The following ETV6 variants were observed in gnomAD, a reference collection of about 807,000 sequenced individuals.
ETV6 encodes ETS variant transcription factor 6.
In ETV6, 16 loss-of-function variants were observed where a neutral mutation model predicts 51.1. The observed-to-expected ratio is 0.31, with a 90% CI of 0.21 to 0.48. The LOEUF (loss-of-function observed/expected upper bound fraction) is 0.48, where lower values mean the gene tolerates loss of function less well. ETV6 is among the 20% of genes least tolerant of loss of function. The probability of loss-of-function intolerance (pLI) is 0.99; values close to 1 mark genes in which losing one functional copy is unlikely to be tolerated. For synonymous variants in ETV6, 240 were observed against 224.1 expected, an observed-to-expected ratio of 1.07 and a Z score of -0.64; for missense variants, 458 against 594.8, an observed-to-expected ratio of 0.77 and a Z score of 2.39.
chr12:11,735,080 G>A (rs1366985774), intron 1 of ETV6, among the ~76,000 whole-genome samples: 1 of 141,138 alleles, frequency 7.1e-6, no homozygotes, highest in Non-Finnish European at 1.5e-5. Flanking sequence ...AAGGTGGCAA[G>A]GTGGCCTTTT....
chr12:11,839,326 A>C lies in ETV6; in HGVS notation c.328+22A>C, dbSNP rs1391876229. ...TCAGGTGAGAGTCTGGACTCTTGGCATATGCCCAACTTGGAAAGTCTCTTA... is the reference window on the plus strand; with the variant it reads ...TCAGGTGAGAGTCTGGACTCTTGGCCTATGCCCAACTTGGAAAGTCTCTTA... On this transcript the variant is annotated intron_variant, in intron 3 of 7. Coordinates refer to ENST00000396373, the MANE Select transcript of ETV6 (RefSeq NM_001987.5). The C allele has an allele frequency of 6.9e-6, 11 of 1,597,116 alleles. No homozygotes were observed. In the African/African-American group the frequency reaches 1.5e-4, roughly 21 times the overall value.
intron 5 of ETV6, among the ~76,000 whole-genome samples, chr12:11,874,545 CACACATATATGTGTATGTGCGTGTGT>C (rs759875272): frequency 0.72 from 4,788 of 6,634 alleles, 2,026 homozygotes; most frequent in Non-Finnish European, 0.92. Flanking sequence ...TGCGTGTGTA[CACACATATATGTGTATGTGCGTGTGT>C]ACACATATAT....
At chr12:11,729,432 G>A (rs1865553621) in intron 1 of ETV6, among the ~76,000 whole-genome samples, 1 of 152,152 alleles carries the variant, frequency 6.6e-6, no homozygotes, top group Non-Finnish European at 1.5e-5. Flanking sequence ...GGGGGGACTG[G>A]GCTGCTGTGT....
chr12:11,733,775 A>C (rs1236599328), intron 1 of ETV6, among the ~76,000 whole-genome samples: 1 of 152,200 alleles, frequency 6.6e-6, no homozygotes, highest in African/African-American at 2.4e-5. Context: ...ACACACACCC[A>C]CATACCCTGT....
intron 1 of ETV6, among the ~76,000 whole-genome samples, chr12:11,651,065 C>T (rs576035869): frequency 1.3e-5 from 2 of 152,336 alleles, no homozygotes; most frequent in South Asian, 2.1e-4. Context: ...TAAAGTTTGC[C>T]ACCATTGGGA....
chr12:11,752,609 G>C (rs376245819), intron 2 of ETV6, 30 bp downstream of exon 2: 2 of 1,593,638 alleles, frequency 1.3e-6, no homozygotes, highest in African/African-American at 2.7e-5. Flanking sequence ...GAGGGACAGA[G>C]GATTGATGGC....
chr12:11,691,422 T>G (rs190961441), intron 1 of ETV6, among the ~76,000 whole-genome samples: 111 of 152,346 alleles, frequency 7.3e-4, no homozygotes, highest in Non-Finnish European at 1.2e-3. Context: ...AACTATTATC[T>G]GAACCCTGTA....
intron 1 of ETV6, among the ~76,000 whole-genome samples, chr12:11,660,282 CA>C (rs1864076817): frequency 1.3e-5 from 2 of 152,126 alleles, no homozygotes; most frequent in African/African-American, 2.4e-5. Context: ...CTAGGGTATA[CA>C]GGAGGAAGTA....
intron 2 of ETV6, among the ~76,000 whole-genome samples, chr12:11,754,711 AT>A (rs1944981312): frequency 1.3e-5 from 2 of 152,042 alleles, no homozygotes; most frequent in Admixed American, 1.3e-4. Flanking sequence ...TAACACTTGA[AT>A]TTTTTCTTGA....
At chr12:11,687,033 A>C (rs923905430) in intron 1 of ETV6, among the ~76,000 whole-genome samples, 1 of 151,878 alleles carries the variant, frequency 6.6e-6, no homozygotes, top group Non-Finnish European at 1.5e-5. Flanking sequence ...CTACAGGCGC[A>C]CACCACTGCA....
rs567848948 is a variant in ETV6 at position 11,662,496 on chromosome 12, A to G, written c.33+12336A>G. 1.1e-3 allele frequency among the ~76,000 whole-genome samples: 162 copies of G among 152,348 alleles called. 1 individual carries two copies. Among genetic ancestry groups the G allele is most frequent in the African/African-American group, 3.8e-3 (156 of 41,572 alleles). On this transcript the variant is annotated intron_variant, in intron 1 of 7. Coordinates refer to ENST00000396373, the MANE Select transcript of ETV6 (RefSeq NM_001987.5). ...AATGCCTGTGTGTGCGTTCGTTGTT[A>G]GCCATCATGTTGAACAGTCTGATTT...
intron 1 of ETV6, among the ~76,000 whole-genome samples, chr12:11,662,620 C>T (rs1419290005): frequency 6.6e-6 from 1 of 152,172 alleles, no homozygotes; most frequent in African/African-American, 2.4e-5. Context: ...TCTTCTGCCT[C>T]TTGGTTGGCT....
chr12:11,854,056 A>G (rs1383232561), intron 4 of ETV6, among the ~76,000 whole-genome samples: 2 of 152,164 alleles, frequency 1.3e-5, no homozygotes, highest in East Asian at 1.9e-4. Context: ...ACAATCCACC[A>G]TAATGTCGAA....
chr12:11,872,264 C>G (rs1031457316), intron 5 of ETV6, among the ~76,000 whole-genome samples: 26 of 152,196 alleles, frequency 1.7e-4, no homozygotes, highest in Admixed American at 7.9e-4. Context: ...GTGTGCAGGA[C>G]AACCCTTGCT....
intron 1 of ETV6, among the ~76,000 whole-genome samples, chr12:11,743,808 C>CT (rs1284319243): frequency 1.3e-5 from 2 of 152,098 alleles, no homozygotes; most frequent in Admixed American, 1.3e-4. Context: ...CTTTCTCTTC[C>CT]TTTTACAAGA....
chr12:11,653,044 C>G (rs1268157290), intron 1 of ETV6, among the ~76,000 whole-genome samples: 1 of 152,104 alleles, frequency 6.6e-6, no homozygotes, highest in Non-Finnish European at 1.5e-5. Context: ...CTCGAGCACT[C>G]CTGGGGGGGT....
At chr12:11,804,572 T>C (rs1321093582) in intron 2 of ETV6, among the ~76,000 whole-genome samples, 1 of 152,268 alleles carries the variant, frequency 6.6e-6, no homozygotes, top group African/African-American at 2.4e-5. Flanking sequence ...ACTCTCATGT[T>C]AGAGTCCCTC....
At chr12:11,792,916 T>C (rs1945623875) in intron 2 of ETV6, among the ~76,000 whole-genome samples, 1 of 152,108 alleles carries the variant, frequency 6.6e-6, no homozygotes. Context: ...ACTTCTTGTT[T>C]AACTAGAGCA....
chr12:11,862,348 C>T (rs1946729773), intron 4 of ETV6, among the ~76,000 whole-genome samples: 1 of 152,144 alleles, frequency 6.6e-6, no homozygotes, highest in Non-Finnish European at 1.5e-5. Flanking sequence ...CCAAACCAAG[C>T]AAAGGTTGAA....
Sources: gnomAD v4.1 joint callset for allele counts (sites outside exome capture counted in the v4.1 genomes callset) on GRCh38, gnomAD v4.1.1 for gene constraint, MANE v1.5 for transcripts, NCBI Gene and HGNC (gene_info 2026-07-23, HGNC 2026-07-21) for gene names.